MTMR8: variants seen among roughly 807,000 people sequenced by gnomAD.
The protein encoded by MTMR8 is myotubularin related protein 8.
MTMR8 carries 65 observed loss-of-function variants against 39.3 expected under a neutral mutation model. That is an observed-to-expected ratio of 1.65 (90% confidence interval 1.35 to 2.03). The LOEUF is 2.03. Ranked by LOEUF, MTMR8 falls within the 30% of genes most tolerant of loss-of-function variation. The pLI, the probability that MTMR8 is intolerant of heterozygous loss-of-function variation, is 0.00. For synonymous variants in MTMR8, 245 were observed against 185.2 expected (o/e 1.32, Z -2.62); for missense variants, 777 against 538.9 (o/e 1.44, Z -4.37).
At chrX:64,301,874 G>A (rs1921891608) in intron 12 of MTMR8, among the ~76,000 whole-genome samples, 1 of 111,980 alleles carries the variant, frequency 8.9e-6, no homozygotes, top group African/African-American at 3.3e-5. Context: ...CAGTTAGGCT[G>A]CTTGGGGGTC....
At chrX:64,289,781 T>G (rs776733920) in intron 12 of MTMR8, among the ~76,000 whole-genome samples, 2 of 110,189 alleles carry the variant, frequency 1.8e-5, no homozygotes, top group Non-Finnish European at 3.8e-5. Flanking sequence ...AAAAACAATA[T>G]GGTATATACA....
At chrX:64,304,134 T>A (rs1288184899) in intron 12 of MTMR8, among the ~76,000 whole-genome samples, 2 of 111,318 alleles carry the variant, frequency 1.8e-5, no homozygotes, top group Admixed American at 9.6e-5. Context: ...GACTTGAGAG[T>A]CAACTAAAAA....
At chrX:64,375,468 G>A (rs930553417) in intron 1 of MTMR8, among the ~76,000 whole-genome samples, 2 of 112,044 alleles carry the variant, frequency 1.8e-5, no homozygotes, top group African/African-American at 6.5e-5. Context: ...AGCAAGGAAA[G>A]TTATCAGGAA....
At chrX:64,295,536 G>A (rs1251622717) in intron 12 of MTMR8, among the ~76,000 whole-genome samples, 1 of 111,084 alleles carries the variant, frequency 9.0e-6, no homozygotes, top group East Asian at 2.8e-4. Context: ...ACCAGAGAAT[G>A]GGAGAAAATA....
At chrX:64,334,194 G>A (rs991815944) in intron 10 of MTMR8, among the ~76,000 whole-genome samples, 1 of 110,173 alleles carries the variant, frequency 9.1e-6, no homozygotes, top group Non-Finnish European at 1.9e-5. Flanking sequence ...TCTCCTGGAT[G>A]CCCTATGCCA....
chrX:64,379,417 C>A (rs1475519672), intron 1 of MTMR8, among the ~76,000 whole-genome samples: 1 of 111,716 alleles, frequency 9.0e-6, no homozygotes, highest in Admixed American at 9.5e-5. Flanking sequence ...GCTGCCATAA[C>A]AAAGTACCAG....
intron 12 of MTMR8, among the ~76,000 whole-genome samples, chrX:64,323,796 C>G (rs1365230496): frequency 8.9e-6 from 1 of 111,774 alleles, no homozygotes; most frequent in Non-Finnish European, 1.9e-5. Context: ...GGAAATTAAA[C>G]AACATGCTCT....
intron 12 of MTMR8, chrX:64,305,659 C>T (rs1194808947): frequency 1.9e-6 from 1 of 534,197 alleles, no homozygotes; most frequent in Non-Finnish European, 3.5e-6. Flanking sequence ...GAGTCTACTA[C>T]CATCTGTATT....
chrX:64,344,754 C>A (rs1359553822), intron 7 of MTMR8, among the ~76,000 whole-genome samples: 1 of 111,232 alleles, frequency 9.0e-6, no homozygotes, highest in Non-Finnish European at 1.9e-5. Context: ...TTTGCCTATC[C>A]CTGAAAATCA....
intron 1 of MTMR8, among the ~76,000 whole-genome samples, chrX:64,373,730 G>A (rs1467608676): frequency 1.8e-5 from 2 of 110,735 alleles, no homozygotes; most frequent in Non-Finnish European, 3.8e-5. Context: ...TAACAAAAAT[G>A]TAGTCAAAGC....
chrX:64,343,850 C>T, intron 7 of MTMR8, 130 bp from the exon 8 acceptor site: 1 of 479,186 alleles, frequency 2.1e-6, no homozygotes. Flanking sequence ...AGTTAGAAAC[C>T]ACACAGTGAG....
At chrX:64,299,479 T>C (rs1921758406) in intron 12 of MTMR8, among the ~76,000 whole-genome samples, 1 of 105,924 alleles carries the variant, frequency 9.4e-6, no homozygotes, top group Non-Finnish European at 1.9e-5. Context: ...TTTTTTTCTT[T>C]ATTAGTCTTG....
intron 1 of MTMR8, among the ~76,000 whole-genome samples, chrX:64,381,047 A>G (rs1027426268): frequency 1.8e-5 from 2 of 112,281 alleles, no homozygotes; most frequent in African/African-American, 6.5e-5. Flanking sequence ...TAGTGCCGCA[A>G]TAAACATATG....
intron 12 of MTMR8, among the ~76,000 whole-genome samples, chrX:64,294,117 AG>A (rs1391116451): frequency 3.6e-5 from 4 of 112,048 alleles, no homozygotes; most frequent in Admixed American, 9.5e-5. Flanking sequence ...CCTCTGGTAT[AG>A]CCTATGTGTA....
intron 12 of MTMR8, among the ~76,000 whole-genome samples, chrX:64,277,114 T>A (rs1931889057): frequency 8.9e-6 from 1 of 111,899 alleles, no homozygotes; most frequent in Non-Finnish European, 1.9e-5. Context: ...TATTCCTCCA[T>A]CCCTTTATTT....
rs748650576 is a variant in MTMR8 at position 64,268,869 on chromosome X, G to A, written c.1783C>T (p.Arg595Ter). The change falls in exon 14 of 14, where the codon CGA becomes TGA. Residue 595 changes from arginine to a stop codon, truncating the protein, a stop_gained. Transcript: ENST00000374852. LOFTEE classifies it low-confidence loss of function (END_TRUNC). ...CTTTTTACTTGATCCATCTGAGCTC[G>A]GAGGCCTCCTTCCCTGGATAGGGTG... is the stretch of plus-strand genomic sequence containing the variant. ...NGTLSREGGL[R>*]AQMDQVKSQG... 6.6e-6 allele frequency: 8 copies of A among 1,211,570 alleles called. No individual in the cohort carries two copies. The South Asian group carries it at 7.0e-5, about 11-fold the overall frequency.
chrX:64,334,588 A>AC lies in MTMR8; in HGVS notation c.1151+1490_1151+1491insG, dbSNP rs1410003074. Among the ~76,000 whole-genome samples the AC allele has an allele frequency of 1.3e-3, 134 of 104,980 alleles. 1 individual carries two copies. Among genetic ancestry groups the AC allele is most frequent in the African/African-American group, 4.4e-3 (124 of 28,178 alleles). The allele number at this position is 104,980 out of a possible 115,157, so 91.2% of individuals were successfully genotyped here. A position where few individuals can be genotyped will look rare whatever the true frequency, so the allele number is the denominator to read the frequency against. On this transcript the variant is annotated intron_variant, in intron 10 of 13. Transcript: ENST00000374852. ...TTCAGCTTAAAAAAAAAAAAAAAAAAAAAAAAACAGGGCTCTGAATGATCT... is the reference window on the plus strand; with the variant it reads ...TTCAGCTTAAAAAAAAAAAAAAAAAACAAAAAAACAGGGCTCTGAATGATCT...
At chrX:64,302,209 A>G (rs1921910154) in intron 12 of MTMR8, among the ~76,000 whole-genome samples, 1 of 112,429 alleles carries the variant, frequency 8.9e-6, no homozygotes, top group Non-Finnish European at 1.9e-5. Flanking sequence ...TGTGCTAGCA[A>G]TCAGCGAGAT....
intron 2 of MTMR8, among the ~76,000 whole-genome samples, chrX:64,357,741 C>A (rs1376155781): frequency 8.9e-6 from 1 of 111,998 alleles, no homozygotes; most frequent in African/African-American, 3.2e-5. Flanking sequence ...TTTTGTCACA[C>A]TCAAGTCCTG....
Sources: allele counts gnomAD v4.1 joint callset (sites outside exome capture counted in the v4.1 genomes callset), GRCh38; gene constraint gnomAD v4.1.1; transcripts MANE v1.5; gene names NCBI Gene and HGNC (gene_info 2026-07-23, HGNC 2026-07-21).